Variants in ARK2C observed in about 807,000 individuals in gnomAD.
ARK2C encodes the protein arkadia (RNF111) C-terminal like ring finger ubiquitin ligase 2C.
At chr18:46,432,325 T>C in the ARK2C span, among the ~76,000 whole-genome samples, 1 of 152,274 alleles carries the variant, frequency 6.6e-6, no homozygotes. Context: ...AAATAAATGA[T>C]AATGTTATAA....
chr18:46,389,400 T>TAAGA, the ARK2C span, among the ~76,000 whole-genome samples: 1 of 152,244 alleles, frequency 6.6e-6, no homozygotes, highest in South Asian at 2.1e-4. Context: ...AGACTCACAC[T>TAAGA]GTTTTAGGAA....
the ARK2C span, among the ~76,000 whole-genome samples, chr18:46,428,475 A>G: frequency 6.6e-6 from 1 of 152,216 alleles, no homozygotes; most frequent in African/African-American, 2.4e-5. Context: ...GGATTTCACC[A>G]GTAAGCAGTG....
At chr18:46,361,717 G>A in the ARK2C span, among the ~76,000 whole-genome samples, 1 of 152,202 alleles carries the variant, frequency 6.6e-6, no homozygotes, top group South Asian at 2.1e-4. Context: ...GCACTGGCCT[G>A]GGCACCAAGT....
chr18:46,448,722 T>TGCC, the ARK2C span, among the ~76,000 whole-genome samples: 2 of 152,164 alleles, frequency 1.3e-5, no homozygotes, highest in African/African-American at 2.4e-5. Context: ...GGCTGCAGAG[T>TGCC]GCCGAATCAT....
the ARK2C span, among the ~76,000 whole-genome samples, chr18:46,346,625 G>A: frequency 6.6e-6 from 1 of 152,172 alleles, no homozygotes; most frequent in Non-Finnish European, 1.5e-5. Flanking sequence ...TAAAAAAATG[G>A]AAATAATTGA....
chr18:46,409,082 A>G, the ARK2C span, among the ~76,000 whole-genome samples: 1 of 152,206 alleles, frequency 6.6e-6, no homozygotes, highest in East Asian at 1.9e-4. Context: ...AAATGAGTTA[A>G]TATATGTGGA....
chr18:46,440,138 G>C, the ARK2C span, among the ~76,000 whole-genome samples: 2 of 152,148 alleles, frequency 1.3e-5, no homozygotes, highest in Admixed American at 6.5e-5. Flanking sequence ...CTCATGGCCA[G>C]TTTTACTCAT....
the ARK2C span, among the ~76,000 whole-genome samples, chr18:46,346,246 G>T: frequency 6.6e-6 from 1 of 152,178 alleles, no homozygotes; most frequent in African/African-American, 2.4e-5. Flanking sequence ...GGTGGGAAGG[G>T]GATCTTCTGA....
At chr18:46,432,179 C>G in the ARK2C span, among the ~76,000 whole-genome samples, 1 of 152,178 alleles carries the variant, frequency 6.6e-6, no homozygotes, top group African/African-American at 2.4e-5. Context: ...CTCCCTTTGG[C>G]ACCTAGAGCT....
chr18:46,400,930 G>T, the ARK2C span, among the ~76,000 whole-genome samples: 1 of 152,168 alleles, frequency 6.6e-6, no homozygotes, highest in Non-Finnish European at 1.5e-5. Flanking sequence ...TGACTGGGCA[G>T]GTGGAAGTGG....
At chr18:46,433,144 C>T in the ARK2C span, 13 of 1,463,436 alleles carry the variant, frequency 8.9e-6, no homozygotes, top group Middle Eastern at 1.8e-4. Context: ...GTGTGGCGGC[C>T]GCTCGTGCTG....
At chr18:46,393,610 A>C in the ARK2C span, among the ~76,000 whole-genome samples, 1 of 152,100 alleles carries the variant, frequency 6.6e-6, no homozygotes, top group African/African-American at 2.4e-5. Context: ...GTCTTAGACC[A>C]CTAAGGTCTA....
the ARK2C span, among the ~76,000 whole-genome samples, chr18:46,428,842 A>G: frequency 2.0e-5 from 3 of 152,274 alleles, no homozygotes; most frequent in Admixed American, 6.5e-5. Context: ...TAGGAAATGT[A>G]AAATTCCCTG....
the ARK2C span, among the ~76,000 whole-genome samples, chr18:46,441,464 T>C: frequency 2.0e-5 from 3 of 152,260 alleles, no homozygotes; most frequent in Admixed American, 6.5e-5. Context: ...TATTTTCTTA[T>C]CATTTTAACA....
chr18:46,335,776 C>A, the ARK2C span: 1 of 449,674 alleles, frequency 2.2e-6, no homozygotes. Flanking sequence ...CTCCCCAGAA[C>A]CTAAAAGGCA....
the ARK2C span, among the ~76,000 whole-genome samples, chr18:46,423,594 C>A: frequency 6.6e-6 from 1 of 152,126 alleles, no homozygotes; most frequent in Non-Finnish European, 1.5e-5. Flanking sequence ...TGTATGAGGA[C>A]CCATGTGCTG....
At chr18:46,339,118 A>G in the ARK2C span, among the ~76,000 whole-genome samples, 1 of 152,230 alleles carries the variant, frequency 6.6e-6, no homozygotes, top group Admixed American at 6.5e-5. Flanking sequence ...GGAGAGATAC[A>G]GGTTTACAAG....
At chr18:46,369,788 C>T in the ARK2C span, among the ~76,000 whole-genome samples, 2 of 152,216 alleles carry the variant, frequency 1.3e-5, no homozygotes, top group African/African-American at 4.8e-5. Flanking sequence ...CAAAGTAAGA[C>T]TTTGCATGCG....
At chr18:46,449,784 T>C in the ARK2C span, among the ~76,000 whole-genome samples, 1 of 152,208 alleles carries the variant, frequency 6.6e-6, no homozygotes, top group Non-Finnish European at 1.5e-5. Flanking sequence ...TGTGGAACTG[T>C]GAGTCAATTA....
Sources: gnomAD v4.1 joint callset for allele counts (sites outside exome capture counted in the v4.1 genomes callset) on GRCh38, gnomAD v4.1.1 for gene constraint, MANE v1.5 for transcripts, NCBI Gene and HGNC (gene_info 2026-07-23, HGNC 2026-07-21) for gene names.